Variants in MGA observed in about 807,000 individuals in gnomAD.
The protein encoded by MGA is MAX dimerization protein MGA.
A neutral mutation model predicts 261.1 loss-of-function variants in MGA; 40 were observed. The observed-to-expected ratio is 0.15, with a 90% CI of 0.12 to 0.20. The LOEUF is 0.20. Among genes scored for constraint, MGA ranks in the 10% least tolerant of loss-of-function variants. MGA has a pLI of 1.00. For missense variants in MGA, 3,397 were observed against 3,630.5 expected (o/e 0.94, Z 1.65); for synonymous variants, 1,302 against 1,290.6 (o/e 1.01, Z -0.19).
Position 41,694,267 on chromosome 15 carries a change from T to G in MGA, c.1065-1808T>G, listed in dbSNP as rs557636793. Among the ~76,000 whole-genome samples the G allele has an allele frequency of 4.5e-4, 68 of 151,858 alleles. 2 individuals carry two copies. Among genetic ancestry groups the G allele is most frequent in the Admixed American group, 5.2e-4 (8 of 15,240 alleles). On this transcript the variant is annotated intron_variant, in intron 2 of 23. Transcript: ENST00000219905. ...CCTATCTCTACTAAAAATACAAAAA[T>G]TAGCCGGGCGTGTTGGTGCATGCCT... is the stretch of plus-strand genomic sequence containing the variant.
intron 1 of MGA, among the ~76,000 whole-genome samples, chr15:41,661,318 C>G (rs1167122712): frequency 6.6e-6 from 1 of 152,042 alleles, no homozygotes; most frequent in Non-Finnish European, 1.5e-5. Flanking sequence ...TGCAAGGTAT[C>G]TGGGACATTA....
intron 9 of MGA, among the ~76,000 whole-genome samples, chr15:41,716,693 ATGAT>A (rs1055232211): frequency 6.6e-5 from 10 of 152,168 alleles, no homozygotes; most frequent in African/African-American, 1.4e-4. Context: ...TTTATTTAGA[ATGAT>A]TGAGTGTAAC....
intron 1 of MGA, among the ~76,000 whole-genome samples, chr15:41,643,444 G>C (rs2056867853): frequency 6.7e-6 from 1 of 149,714 alleles, no homozygotes; most frequent in South Asian, 2.1e-4. Context: ...GTTTCACTGT[G>C]TTAGCCAGGA....
At chr15:41,624,691 A>T (rs1200772418) in intron 1 of MGA, among the ~76,000 whole-genome samples, 1 of 152,106 alleles carries the variant, frequency 6.6e-6, no homozygotes, top group Non-Finnish European at 1.5e-5. Context: ...GCTGGTCTGG[A>T]ACTCCTCACT....
Position 41,767,240 on chromosome 15 carries a change from T to G in MGA, c.9158T>G (p.Leu3053Trp). 1 of 1,613,546 alleles carries G rather than the reference T, an allele frequency of 6.2e-7. No homozygotes were observed. Among genetic ancestry groups the G allele is most frequent in the Non-Finnish European group, 8.5e-7 (1 of 1,179,566 alleles). Residue 3053 changes from leucine (L) to tryptophan (W), a missense_variant, in exon 24 of 24, where the codon TTG becomes TGG. By Grantham distance (61) the Leu-to-Trp change is moderately conservative (BLOSUM62 -2). Coordinates refer to ENST00000219905, the MANE Select transcript of MGA (RefSeq NM_001164273.2). ...ACATTGGCACCTGTTGTGGCTAAATTGGGCAACTCGGGGGCCTCACCAAGT... is the reference window on the plus strand; with the variant it reads ...ACATTGGCACCTGTTGTGGCTAAATGGGGCAACTCGGGGGCCTCACCAAGT...
At chr15:41,756,873 C>G (rs1402437661) in intron 18 of MGA, among the ~76,000 whole-genome samples, 1 of 152,042 alleles carries the variant, frequency 6.6e-6, no homozygotes, top group East Asian at 1.9e-4. Flanking sequence ...GGATTACAGG[C>G]ATTAGCTACT....
rs184994875 is a variant in MGA, at chr15:41,677,496, C to G, written c.1064+7538C>G. Among the ~76,000 whole-genome samples the G allele has an allele frequency of 1.4e-3, 220 of 152,248 alleles. 1 individual carries two copies. Among genetic ancestry groups the G allele is most frequent in the African/African-American group, 5.1e-3 (211 of 41,536 alleles). ...AGAATTGCTGGATCATATGGTAATT[C>G]TATTTTTAATTTTTTGAGGAACCGC... On this transcript the variant is annotated intron_variant, in intron 2 of 23. Transcript: ENST00000219905.
At chr15:41,632,136 CAT>C (rs763258703) in intron 1 of MGA, among the ~76,000 whole-genome samples, 2 of 152,168 alleles carry the variant, frequency 1.3e-5, no homozygotes, top group African/African-American at 2.4e-5. Flanking sequence ...ATCCATGATA[CAT>C]GTGTGTACTA....
intron 9 of MGA, among the ~76,000 whole-genome samples, chr15:41,714,016 A>T (rs1302364799): frequency 6.6e-6 from 1 of 152,146 alleles, no homozygotes; most frequent in Non-Finnish European, 1.5e-5. Context: ...TATGATGTAG[A>T]TGTAGACCCA....
chr15:41,750,145 G>C lies in MGA; in HGVS notation c.6538G>C (p.Gly2180Arg), dbSNP rs778316806. ...GGAAAGATGGAGAAAACATCTGAAG[G>C]GCCCCTTAACCAGGAAATGTGTTGG... The change falls in exon 17 of 24, where the codon GGC (glycine) becomes CGC (arginine). Residue 2180 changes from glycine to arginine, a missense_variant. Physicochemically the swap from Gly to Arg is moderately radical, Grantham distance 125. Around this residue, in one of 9 missense-constraint regions of MGA, gnomAD observed 1,410 missense variants for 1,386.4 expected, o/e 1.02. Coordinates refer to ENST00000219905, the MANE Select transcript of MGA (RefSeq NM_001164273.2). The C allele has an allele frequency of 2.5e-5, 40 of 1,613,754 alleles. No individual in the cohort carries two copies. The highest frequency in any genetic ancestry group is 3.2e-5 in the Non-Finnish European group (38 of 1,179,878).
At chr15:41,739,320 T>C (rs1018889347) in intron 13 of MGA, among the ~76,000 whole-genome samples, 3 of 152,226 alleles carry the variant, frequency 2.0e-5, no homozygotes, top group African/African-American at 7.2e-5. Flanking sequence ...ACCCATGTTT[T>C]ATCCAAGAGA....
rs1172778147 is a variant in MGA at position 41,673,542 on chromosome 15, T to TTC, written c.1064+3585_1064+3586insCT. Among the ~76,000 whole-genome samples, 27 of 121,660 alleles carry TTC rather than the reference T, an allele frequency of 2.2e-4. 1 individual carries two copies. The highest frequency in any genetic ancestry group is 9.1e-4 in the Admixed American group (11 of 12,104). 79.8% of individuals were successfully genotyped at this position (121,660 alleles called of 152,430 possible). ...TGTTGTAGTCTTTTTCTTTCTTTCT[T>TTC]TTTTTTTTTTTTTTTTTGAGATGGA... On this transcript the variant is annotated intron_variant, in intron 2 of 23. Transcript: ENST00000219905.
In MGA at chr15:41,729,150, T is replaced by G; in HGVS notation, c.3658-14T>G. The stretch of plus-strand genomic sequence containing the variant: ...TCCCACTGTATGGAATATTTTGTTG[T>G]ATGAAATTTACAGATTCGGGAAGAG... On this transcript the variant is annotated splice_polypyrimidine_tract_variant and intron_variant, in intron 10 of 23. Transcript: ENST00000219905. 1 of 1,610,954 alleles carries G rather than the reference T, an allele frequency of 6.2e-7. No homozygotes were observed. The highest frequency in any genetic ancestry group is 8.5e-7 in the Non-Finnish European group (1 of 1,178,300).
intron 20 of MGA, among the ~76,000 whole-genome samples, chr15:41,760,890 C>T (rs1341517648): frequency 1.3e-5 from 2 of 152,218 alleles, no homozygotes; most frequent in African/African-American, 2.4e-5. Context: ...GCTTGCGCCA[C>T]CACACCTGGC....
intron 11 of MGA, among the ~76,000 whole-genome samples, chr15:41,733,638 C>T (rs532003996): frequency 1.3e-5 from 2 of 152,198 alleles, no homozygotes; most frequent in African/African-American, 4.8e-5. Context: ...TTTAAATGTG[C>T]ATATCTTTTT....
chr15:41,688,229 C>T (rs1246746237), intron 2 of MGA, among the ~76,000 whole-genome samples: 1 of 152,100 alleles, frequency 6.6e-6, no homozygotes, highest in Non-Finnish European at 1.5e-5. Context: ...GCACACACTG[C>T]CATGCCAACC....
At chr15:41,753,699 A>G (rs989056658) in intron 17 of MGA, among the ~76,000 whole-genome samples, 83 of 152,126 alleles carry the variant, frequency 5.5e-4, no homozygotes, top group African/African-American at 1.9e-3. Context: ...ATTTGTGGGC[A>G]TCTGATAGGA....
At chr15:41,684,109 G>C (rs1403319787) in intron 2 of MGA, among the ~76,000 whole-genome samples, 1 of 152,088 alleles carries the variant, frequency 6.6e-6, no homozygotes, top group African/African-American at 2.4e-5. Context: ...TTGTCTACTT[G>C]TCTGTCTCCT....
upstream of MGA, among the ~76,000 whole-genome samples, chr15:41,655,661 CCAG>C (rs1252786631): frequency 1.3e-5 from 2 of 152,054 alleles, no homozygotes; most frequent in Admixed American, 6.6e-5. Context: ...CAGACTGTAT[CCAG>C]TCAATGGGCA....
Sources: gnomAD v4.1 joint callset for allele counts (sites outside exome capture counted in the v4.1 genomes callset) on GRCh38, gnomAD v4.1.1 for gene constraint, gnomAD v4.1.1 regional missense constraint, MANE v1.5 for transcripts, NCBI Gene and HGNC (gene_info 2026-07-23, HGNC 2026-07-21) for gene names.